The following SUSD1 variants were observed in gnomAD, a reference collection of about 807,000 sequenced individuals.
The protein encoded by SUSD1 is sushi domain containing 1, also known as sushi domain-containing protein 1.
Under a neutral mutation model 86.9 loss-of-function variants are expected in SUSD1, and 65 were observed. The observed-to-expected ratio is 0.75, with a 90% CI of 0.61 to 0.92. The LOEUF (loss-of-function observed/expected upper bound fraction) is 0.92, where lower values mean the gene tolerates loss of function less well. Ranked by LOEUF, SUSD1 falls within the 40% of genes least tolerant of loss-of-function variation. The pLI, the probability that SUSD1 is intolerant of heterozygous loss-of-function variation, is 0.00. For synonymous variants in SUSD1, 346 were observed against 350.0 expected, an observed-to-expected ratio of 0.99 and a Z score of 0.13; for missense variants, 850 against 929.7, an observed-to-expected ratio of 0.91 and a Z score of 1.11.
At chr9:112,071,744 T>C in intron 12 of SUSD1, among the ~76,000 whole-genome samples, 1 of 152,126 alleles carries the variant, frequency 6.6e-6, no homozygotes, top group East Asian at 1.9e-4. Flanking sequence ...AAAACACAAC[T>C]CCACCGCCCA....
At chr9:112,167,683 G>A (rs1384213661) in intron 1 of SUSD1, among the ~76,000 whole-genome samples, 1 of 152,076 alleles carries the variant, frequency 6.6e-6, no homozygotes, top group Non-Finnish European at 1.5e-5. Context: ...TCAGTTTCCT[G>A]TAAATCTGTA....
intron 5 of SUSD1, among the ~76,000 whole-genome samples, chr9:112,139,604 C>T (rs959640923): frequency 1.3e-5 from 2 of 152,026 alleles, no homozygotes; most frequent in Non-Finnish European, 2.9e-5. Context: ...ACCACCACTC[C>T]CAGGCTGGTC....
intron 5 of SUSD1, among the ~76,000 whole-genome samples, chr9:112,129,707 T>C (rs953086238): frequency 2.0e-5 from 3 of 152,238 alleles, no homozygotes; most frequent in Non-Finnish European, 4.4e-5. Flanking sequence ...AATACATGCC[T>C]TCCCGAATAT....
intron 10 of SUSD1, among the ~76,000 whole-genome samples, chr9:112,095,554 T>C (rs1830360619): frequency 6.6e-6 from 1 of 152,018 alleles, no homozygotes. Context: ...ATCAGACCAG[T>C]GAAAGTTCAG....
intron 12 of SUSD1, among the ~76,000 whole-genome samples, chr9:112,068,877 G>A (rs112571348): frequency 7.9e-4 from 121 of 152,256 alleles, no homozygotes; most frequent in Non-Finnish European, 1.4e-3. Context: ...GGGAACAAAC[G>A]GAAACCTTGC....
intron 1 of SUSD1, among the ~76,000 whole-genome samples, chr9:112,169,021 T>A (rs575156211): frequency 6.6e-6 from 1 of 152,136 alleles, no homozygotes; most frequent in African/African-American, 2.4e-5. Context: ...TAACACTATA[T>A]AAAATTGCAT....
chr9:112,058,272 C>T (rs1426734775), intron 14 of SUSD1, among the ~76,000 whole-genome samples, 156 bp downstream of exon 14: 2 of 152,192 alleles, frequency 1.3e-5, no homozygotes, highest in Non-Finnish European at 2.9e-5. Flanking sequence ...AAGGGTTTCA[C>T]CTGTCCCTTC....
rs1834231239 is a variant in SUSD1, at chr9:112,175,266, G to C, written c.-31C>G. ...CGCCGGTCCCTCCCGGCGCGCCCGCGCCTCCTCCCGGGGCCCTCAGGGTGC... is the reference window on the plus strand; with the variant it reads ...CGCCGGTCCCTCCCGGCGCGCCCGCCCCTCCTCCCGGGGCCCTCAGGGTGC... On this transcript the variant is annotated 5_prime_UTR_variant, in exon 1 of 17. Coordinates refer to ENST00000374270, the MANE Select transcript of SUSD1 (RefSeq NM_022486.5). This position sits in a 1 kb window ranked among gnomAD's most constrained non-coding sequence, Gnocchi z 4.7. 1.9e-5 allele frequency: 22 copies of C among 1,135,766 alleles called. No individual in the cohort carries two copies. Among genetic ancestry groups the C allele is most frequent in the Non-Finnish European group, 2.4e-5 (22 of 926,622 alleles). The allele number at this position is 1,135,766 out of a possible 1,614,324, so 70.4% of individuals were successfully genotyped here. A position where few individuals can be genotyped will look rare whatever the true frequency, so the allele number is the denominator to read the frequency against.
At chr9:112,061,505 G>A (rs1268778206) in intron 13 of SUSD1, among the ~76,000 whole-genome samples, 1 of 152,182 alleles carries the variant, frequency 6.6e-6, no homozygotes, top group Non-Finnish European at 1.5e-5. Flanking sequence ...AGCCACAAGG[G>A]TAAGCTGTCA....
intron 10 of SUSD1, among the ~76,000 whole-genome samples, chr9:112,086,132 GC>G (rs1387413587): frequency 6.7e-6 from 1 of 149,168 alleles, no homozygotes; most frequent in African/African-American, 2.5e-5. Context: ...AGCAAGACCC[GC>G]CCCTCTCACC....
intron 2 of SUSD1, among the ~76,000 whole-genome samples, chr9:112,150,103 T>C (rs537759510): frequency 6.6e-6 from 1 of 152,328 alleles, no homozygotes; most frequent in Admixed American, 6.5e-5. Flanking sequence ...CAGCAAACTT[T>C]TTCTCACAGT....
At chr9:112,140,369 C>CAA (rs765354321) in intron 5 of SUSD1, among the ~76,000 whole-genome samples, 1 of 128,456 alleles carries the variant, frequency 7.8e-6, no homozygotes, top group Admixed American at 8.0e-5. Flanking sequence ...ACTCCGTCTC[C>CAA]AAAAAAAAAA....
intron 10 of SUSD1, among the ~76,000 whole-genome samples, chr9:112,084,586 G>C (rs7870068): frequency 0.32 from 48,844 of 151,886 alleles, 8,125 homozygotes; most frequent in African/African-American, 0.37. Context: ...CTCTAGGTTC[G>C]CTTCCCTCCA....
At chr9:112,142,704 C>A (rs1348667741) in intron 4 of SUSD1, 8 of 523,698 alleles carry the variant, frequency 1.5e-5, no homozygotes, top group Non-Finnish European at 2.3e-5. Context: ...GGTAAAGCAT[C>A]TATACATGCA....
chr9:112,150,026 A>C (rs1051136182), intron 2 of SUSD1, among the ~76,000 whole-genome samples: 5 of 152,224 alleles, frequency 3.3e-5, no homozygotes, highest in Admixed American at 1.3e-4. Context: ...TCATTGAATA[A>C]TATGAAAGTG....
Position 112,068,729 on chromosome 9 carries a change from G to T in SUSD1, c.1754-5696C>A, listed in dbSNP as rs536805298. On this transcript the variant is annotated intron_variant, in intron 12 of 16. Coordinates refer to ENST00000374270, the MANE Select transcript of SUSD1 (RefSeq NM_022486.5). ...AAAAAAAAAAAAAATATTTTTAGCC[G>T]TTCTGCACTTCAAAAATACAACTTA... Among the ~76,000 whole-genome samples, 210 of 151,428 alleles carry T rather than the reference G, an allele frequency of 1.4e-3. 2 individuals carry two copies. The South Asian group carries it at 0.02, about 14-fold the overall frequency.
chr9:112,147,751 A>G (rs982454264), intron 3 of SUSD1, among the ~76,000 whole-genome samples: 1 of 152,256 alleles, frequency 6.6e-6, no homozygotes, highest in Admixed American at 6.5e-5. Flanking sequence ...CCTGGGCAAC[A>G]GAGCGAGACT....
rs1486081248 is a variant in SUSD1, at chr9:112,140,165, A to G, written c.706+2155T>C. Among the ~76,000 whole-genome samples, 2 of 128,458 alleles carry G rather than the reference A, an allele frequency of 1.6e-5. 1 individual carries two copies. The highest frequency in any genetic ancestry group is 3.2e-5 in the Non-Finnish European group (2 of 63,122). 84.3% of individuals were successfully genotyped at this position (128,458 alleles called of 152,430 possible). ...ATCATGAGGTCAGGAGATCGAGACC[A>G]TCCTGGCTAACAAGGTGAAACCCCG... On this transcript the variant is annotated intron_variant, in intron 5 of 16. Transcript: ENST00000374270.
chr9:112,114,213 T>C (rs752241777), intron 6 of SUSD1, among the ~76,000 whole-genome samples: 18 of 152,138 alleles, frequency 1.2e-4, no homozygotes, highest in Non-Finnish European at 2.4e-4. Context: ...CCTGGTGCAA[T>C]AGCTCACGCC....
Sources: allele counts gnomAD v4.1 joint callset (sites outside exome capture counted in the v4.1 genomes callset), GRCh38; gene constraint gnomAD v4.1.1; non-coding constraint Gnocchi (gnomAD v3.1); transcripts MANE v1.5; gene names NCBI Gene and HGNC (gene_info 2026-07-23, HGNC 2026-07-21).